Variants in HIVEP2 observed in about 807,000 individuals in gnomAD.
HIVEP2 encodes transcription factor HIVEP2.
Under a neutral mutation model 180.7 loss-of-function variants are expected in HIVEP2, and 14 were observed. The ratio of observed to expected loss-of-function variants is 0.08; its 90% CI spans 0.05 to 0.12. HIVEP2 has a LOEUF of 0.12. Among genes scored for constraint, HIVEP2 ranks in the 10% least tolerant of loss-of-function variants. HIVEP2 has a pLI of 1.00. For missense variants in HIVEP2, 2,579 were observed against 3,008.5 expected (o/e 0.86, Z 3.34); for synonymous variants, 1,184 against 1,136.4 (o/e 1.04, Z -0.84).
At chr6:142,784,173 A>T (rs902981910) in intron 2 of HIVEP2, among the ~76,000 whole-genome samples, 2 of 152,230 alleles carry the variant, frequency 1.3e-5, no homozygotes, top group Non-Finnish European at 2.9e-5. Flanking sequence ...GTATGATCCA[A>T]AGAAATGCAT....
At chr6:142,821,107 C>T (rs1310193435) in intron 2 of HIVEP2, among the ~76,000 whole-genome samples, 1 of 152,056 alleles carries the variant, frequency 6.6e-6, no homozygotes, top group East Asian at 1.9e-4. Context: ...TAGCATTTTG[C>T]AGCATTACTA....
At chr6:142,931,406 T>C (rs1033440859) in intron 1 of HIVEP2, among the ~76,000 whole-genome samples, 1 of 152,086 alleles carries the variant, frequency 6.6e-6, no homozygotes, top group Admixed American at 6.5e-5. Context: ...ACGAAAAGGT[T>C]AATTTATACT....
chr6:142,760,341 G>A lies in HIVEP2; in HGVS notation c.5947C>T (p.Leu1983Phe). 1 of 1,614,204 alleles carries A rather than the reference G, an allele frequency of 6.2e-7. No individual in the cohort carries two copies. ...VTLPSIRVTQ[L>F]MTPSDSCEDT... ...TCACATGAATCACTGGGTGTCATAA[G>A]CTGAGTAACTCGAATACTTGGCAAA... The change falls in exon 9 of 10, where the codon CTT (leucine) becomes TTT (phenylalanine). Residue 1983 changes from leucine to phenylalanine, a missense_variant. Transcript: ENST00000367603.
chr6:142,930,754 G>GTTAAGTACTC (rs1472662705), intron 1 of HIVEP2, among the ~76,000 whole-genome samples: 212 of 152,234 alleles, frequency 1.4e-3, no homozygotes, highest in African/African-American at 4.8e-3. Context: ...CTAAGTAATA[G>GTTAAGTACTC]TTAAGTACTC....
intron 2 of HIVEP2, among the ~76,000 whole-genome samples, chr6:142,825,011 C>T (rs1379270348): frequency 6.6e-6 from 1 of 152,180 alleles, no homozygotes; most frequent in Non-Finnish European, 1.5e-5. Flanking sequence ...CACATTTTTG[C>T]TCATGATCCA....
intron 1 of HIVEP2, among the ~76,000 whole-genome samples, chr6:142,930,252 G>A (rs1013900699): frequency 4.6e-5 from 7 of 152,188 alleles, no homozygotes; most frequent in African/African-American, 1.4e-4. Context: ...TAGGAATGAA[G>A]AGAGAAGTGA....
At chr6:142,763,199 C>T (rs1316825646) in intron 7 of HIVEP2, among the ~76,000 whole-genome samples, 3 of 152,134 alleles carry the variant, frequency 2.0e-5, no homozygotes, top group South Asian at 2.1e-4. Context: ...TCTACCATGG[C>T]TTTAGTTTGT....
At chr6:142,861,017 T>C (rs985962902) in intron 1 of HIVEP2, among the ~76,000 whole-genome samples, 3 of 152,208 alleles carry the variant, frequency 2.0e-5, no homozygotes, top group African/African-American at 7.2e-5. Flanking sequence ...ACAGATCTAT[T>C]TTCAAGGAAG....
intron 2 of HIVEP2, among the ~76,000 whole-genome samples, chr6:142,816,450 C>T (rs767431929): frequency 9.9e-5 from 15 of 152,136 alleles, no homozygotes; most frequent in Admixed American, 2.0e-4. Flanking sequence ...ATTTCAACTA[C>T]GACCACCTCC....
chr6:142,892,017 A>G (rs1353330356), intron 1 of HIVEP2, among the ~76,000 whole-genome samples: 1 of 152,184 alleles, frequency 6.6e-6, no homozygotes, highest in African/African-American at 2.4e-5. Flanking sequence ...TAGCTGACAC[A>G]TGCAGGCACA....
chr6:142,810,308 T>C (rs2114791302), intron 2 of HIVEP2, among the ~76,000 whole-genome samples: 1 of 152,330 alleles, frequency 6.6e-6, no homozygotes, highest in African/African-American at 2.4e-5. Flanking sequence ...TTATAGTGTA[T>C]TTTTACAAAA....
At chr6:142,862,811 T>C (rs1270442079) in intron 1 of HIVEP2, among the ~76,000 whole-genome samples, 1 of 134,314 alleles carries the variant, frequency 7.4e-6, no homozygotes, top group Admixed American at 7.8e-5. Flanking sequence ...TTAGATATCA[T>C]ATATATTTTT....
At chr6:142,864,639 C>T (rs1253176716) in intron 1 of HIVEP2, among the ~76,000 whole-genome samples, 4 of 152,180 alleles carry the variant, frequency 2.6e-5, no homozygotes, top group Admixed American at 6.5e-5. Flanking sequence ...AAGCTATATA[C>T]ATTTGCTATT....
chr6:142,849,441 G>A (rs1775592996), intron 1 of HIVEP2, among the ~76,000 whole-genome samples: 1 of 152,146 alleles, frequency 6.6e-6, no homozygotes, highest in South Asian at 2.1e-4. Flanking sequence ...TAGAATCCAT[G>A]GGAATATGTG....
chr6:142,866,751 C>T (rs901446002), intron 1 of HIVEP2, among the ~76,000 whole-genome samples: 3 of 152,114 alleles, frequency 2.0e-5, no homozygotes, highest in Non-Finnish European at 4.4e-5. Context: ...GTCGGTCTCT[C>T]CCTTAGTTGA....
At position 142,768,368 on chromosome 6, in the gene HIVEP2, C is replaced by G; in HGVS notation, c.5342+14G>C. The G allele has an allele frequency of 6.2e-7, 1 of 1,606,710 alleles. No homozygotes were observed. The highest frequency in any genetic ancestry group is 8.5e-7 in the Non-Finnish European group (1 of 1,177,276). ...TATAACTGCACATTTTACATTTGCA[C>G]TTTGTTTCCTTACCCTCCTTCAAAT... On this transcript the variant is annotated intron_variant, in intron 6 of 9. Transcript: ENST00000367603.
intron 1 of HIVEP2, among the ~76,000 whole-genome samples, chr6:142,926,832 C>A (rs1364983030): frequency 6.6e-6 from 1 of 151,762 alleles, no homozygotes. Flanking sequence ...GCCGGCCCTG[C>A]GGCGGCCGCC....
chr6:142,782,691 T>C (rs1191410813), intron 3 of HIVEP2, among the ~76,000 whole-genome samples: 1 of 152,206 alleles, frequency 6.6e-6, no homozygotes, highest in East Asian at 1.9e-4. Flanking sequence ...ACTGTGATGA[T>C]CATCCTCTAA....
intron 1 of HIVEP2, among the ~76,000 whole-genome samples, chr6:142,935,505 C>G (rs1221992554): frequency 6.6e-6 from 1 of 152,192 alleles, no homozygotes; most frequent in South Asian, 2.1e-4. Flanking sequence ...AGGCCCAGAT[C>G]GCACCACTGC....
Sources: gnomAD v4.1 joint callset for allele counts (sites outside exome capture counted in the v4.1 genomes callset) on GRCh38, gnomAD v4.1.1 for gene constraint, MANE v1.5 for transcripts, NCBI Gene and HGNC (gene_info 2026-07-23, HGNC 2026-07-21) for gene names.